Variants in TYRP1 observed in about 807,000 individuals in gnomAD.
TYRP1 encodes the protein 5,6-dihydroxyindole-2-carboxylic acid oxidase.
In TYRP1, 49 loss-of-function variants were observed where a neutral mutation model predicts 42.8. The observed-to-expected ratio is 1.14, with a 90% confidence interval of 0.91 to 1.45. The LOEUF is 1.45. Among genes scored for constraint, TYRP1 ranks in the 40% most tolerant of loss-of-function variants. TYRP1 has a pLI of 0.00. For synonymous variants in TYRP1, 279 were observed against 235.4 expected, an observed-to-expected ratio of 1.19 and a Z score of -1.69; for missense variants, 848 against 662.0, an observed-to-expected ratio of 1.28 and a Z score of -3.08.
rs372466491 is a variant in TYRP1, at chr9:12,695,818, G to A, written c.689G>A (p.Arg230His). Residue 230 changes from arginine (R) to histidine (H), a missense_variant, in exon 3 of 8, where the codon CGT becomes CAT. Coordinates refer to ENST00000388918, the MANE Select transcript of TYRP1 (RefSeq NM_000550.3). ...FLTWHRYHLLRLEKDMQEMLQ... is the reference protein window; with the variant it reads ...FLTWHRYHLLHLEKDMQEMLQ... The stretch of plus-strand genomic sequence containing the variant: ...ACATGGCACAGGTACCACCTCCTGC[G>A]TCTGGAGAAAGACATGCAGGTATGT... 9.0e-5 allele frequency: 146 copies of A among 1,613,920 alleles called. 1 individual carries two copies. Among genetic ancestry groups the A allele is most frequent in the African/African-American group, 1.7e-4 (13 of 74,906 alleles).
At chr9:12,708,846 G>T in intron 7 of TYRP1, 131 bp from the exon 8 acceptor site, 1 of 845,258 alleles carries the variant, frequency 1.2e-6, no homozygotes. Flanking sequence ...TGGCTTCAAG[G>T]CCATGTGGCC....
In TYRP1 at chr9:12,709,138, G is replaced by GAAGA. The variant is rs754152993; in HGVS notation, c.1572_1575dup (p.Tyr526ArgfsTer3). 33 of 1,612,546 alleles carry GAAGA rather than the reference G, an allele frequency of 2.0e-5. No homozygotes were observed. The highest frequency in any genetic ancestry group is 2.4e-5 in the Non-Finnish European group (28 of 1,179,030). ...CACTGATCAGTATCAATGCTATGCT[G>GAAGA]AAGAATATGAAAAACTCCAGAATCC... On this transcript the variant is annotated frameshift_variant, in exon 8 of 8. Coordinates refer to ENST00000388918, the MANE Select transcript of TYRP1 (RefSeq NM_000550.3). LOFTEE classifies it high-confidence loss of function.
chr9:12,704,803 C>T (rs1475635124), intron 6 of TYRP1, 98 bp downstream of exon 6: 2 of 1,215,090 alleles, frequency 1.6e-6, no homozygotes, highest in Non-Finnish European at 1.2e-6. Flanking sequence ...CATAAAAACA[C>T]TTTCAAAATA....
Position 12,707,993 on chromosome 9 carries a change from T to TTAGA in TYRP1, c.1262-1_1264dup, listed in dbSNP as rs1265919827. ...ATTAATACGTTGTCTTTGGAATAAT[T>TTAGA]TAGATATATCCACATTTCCATTGGA... On this transcript the variant is annotated splice_polypyrimidine_tract_variant and splice_region_variant and intron_variant, in intron 6 of 7. Coordinates refer to ENST00000388918, the MANE Select transcript of TYRP1 (RefSeq NM_000550.3). 1.9e-6 allele frequency: 3 copies of TTAGA among 1,609,428 alleles called. No individual in the cohort carries two copies. Among genetic ancestry groups the TTAGA allele is most frequent in the East Asian group, 2.2e-5 (1 of 44,690 alleles).
At chr9:12,704,792 G>A (rs904226481) in intron 6 of TYRP1, 87 bp downstream of exon 6, 37 of 1,305,602 alleles carry the variant, frequency 2.8e-5, no homozygotes, top group African/African-American at 2.4e-4. Context: ...AGCACTCAGC[G>A]CATAAAAACA....
intron 7 of TYRP1, among the ~76,000 whole-genome samples, chr9:12,708,688 T>C (rs1818302200): frequency 6.6e-6 from 1 of 151,958 alleles, no homozygotes; most frequent in South Asian, 2.1e-4. Context: ...ATATCCGGGC[T>C]CCAAAGCCAA....
chr9:12,698,453 A>G lies in TYRP1; in HGVS notation c.711A>G (p.Glu237=). The G allele has an allele frequency of 6.2e-6, 10 of 1,613,456 alleles. No individual in the cohort carries two copies. The highest frequency in any genetic ancestry group is 8.5e-6 in the Non-Finnish European group (10 of 1,179,524). ...TTAATGTGGTTTCTGTGATCTAGGAAATGTTGCAAGAGCCTTCTTTCTCCC... is the reference window on the plus strand; with the variant it reads ...TTAATGTGGTTTCTGTGATCTAGGAGATGTTGCAAGAGCCTTCTTTCTCCC... ...HLLRLEKDMQ[E]MLQEPSFSLP... The change falls in exon 4 of 8, where the codon GAA becomes GAG. Residue 237 remains glutamate (E), a splice_region_variant and synonymous_variant. Coordinates refer to ENST00000388918, the MANE Select transcript of TYRP1 (RefSeq NM_000550.3).
At chr9:12,700,532 A>C (rs2118241231) in intron 4 of TYRP1, 1 of 152,078 alleles carries the variant, frequency 6.6e-6, no homozygotes, top group Non-Finnish European at 1.5e-5. Context: ...GCAACTTTCC[A>C]TTTATTTTTA....
At position 12,703,900 on chromosome 9, in the gene TYRP1, T is replaced by C. The variant is rs184456402; in HGVS notation, c.1082-626T>C. On this transcript the variant is annotated intron_variant, in intron 5 of 7. Coordinates refer to ENST00000388918, the MANE Select transcript of TYRP1 (RefSeq NM_000550.3). ...ATATATATATGTGTGTGTGTGTGTG[T>C]GTGTGTGTGTATATATGTGTGTGTA... is the stretch of plus-strand genomic sequence containing the variant. Among the ~76,000 whole-genome samples the C allele has an allele frequency of 2.3e-3, 341 of 149,948 alleles. 3 individuals carry two copies. Among genetic ancestry groups the C allele is most frequent in the African/African-American group, 7.8e-3 (313 of 40,046 alleles).
chr9:12,697,495 T>G (rs1052045687), intron 3 of TYRP1, among the ~76,000 whole-genome samples: 3 of 152,082 alleles, frequency 2.0e-5, no homozygotes, highest in African/African-American at 7.2e-5. Context: ...GGAAAGCTTT[T>G]GGCTCTCTAA....
Position 12,698,470 on chromosome 9 carries a change from C to A in TYRP1, c.728C>A (p.Ser243Tyr). 6.2e-7 allele frequency: 1 copy of A among 1,613,678 alleles called. No individual in the cohort carries two copies. Among genetic ancestry groups the A allele is most frequent in the Non-Finnish European group, 8.5e-7 (1 of 1,179,722 alleles). ...ATCTAGGAAATGTTGCAAGAGCCTT[C>A]TTTCTCCCTTCCTTACTGGAATTTT... ...KDMQEMLQEP[S>Y]FSLPYWNFAT... Residue 243 changes from serine to tyrosine, a missense_variant, in exon 4 of 8, where the codon TCT (serine) becomes TAT (tyrosine). Transcript: ENST00000388918.
chr9:12,699,571 A>AAATC (rs1395559740), intron 4 of TYRP1, among the ~76,000 whole-genome samples: 2 of 152,144 alleles, frequency 1.3e-5, no homozygotes, highest in African/African-American at 4.8e-5. Context: ...TACTCTAAAT[A>AAATC]AATCAGCAGG....
chr9:12,709,323 A>G lies in TYRP1; in HGVS notation c.*141A>G. On this transcript the variant is annotated 3_prime_UTR_variant, in exon 8 of 8. Coordinates refer to ENST00000388918, the MANE Select transcript of TYRP1 (RefSeq NM_000550.3). ...ATGTTAGCATTAAAGTTCTAGGCAT[A>G]CTTTTCAAAGCTGGGAAGACCCTTT... The G allele has an allele frequency of 1.1e-6, 1 of 882,774 alleles. No individual in the cohort carries two copies. Among genetic ancestry groups the G allele is most frequent in the East Asian group, 2.6e-5 (1 of 38,146 alleles). 54.7% of individuals were successfully genotyped at this position (882,774 alleles called of 1,614,324 possible). A position where few individuals can be genotyped will look rare whatever the true frequency, so the allele number is the denominator to read the frequency against.
chr9:12,707,403 T>TTGAC (rs1818275789), intron 6 of TYRP1, among the ~76,000 whole-genome samples: 1 of 151,978 alleles, frequency 6.6e-6, no homozygotes, highest in Non-Finnish European at 1.5e-5. Flanking sequence ...GTTGATAAAA[T>TTGAC]TGACAATAAC....
intron 4 of TYRP1, chr9:12,700,548 A>G (rs1294408309): frequency 1.3e-5 from 2 of 152,078 alleles, no homozygotes; most frequent in East Asian, 3.9e-4. Flanking sequence ...TTTTATGTGG[A>G]AATTCCACAG....
chr9:12,694,257 G>C lies in TYRP1; in HGVS notation c.261G>C (p.Arg87=). 7 of 1,613,850 alleles carry C rather than the reference G, an allele frequency of 4.3e-6. No homozygotes were observed. The highest frequency in any genetic ancestry group is 5.1e-6 in the Non-Finnish European group (6 of 1,179,948). ...PQYPHDGRDD[R]EVWPLRFFNR... Reference sequence around the variant, plus strand: ...ATCCCCATGATGGCAGAGATGATCGGGAGGTCTGGCCCTTGCGCTTCTTCA... The same window carrying C: ...ATCCCCATGATGGCAGAGATGATCGCGAGGTCTGGCCCTTGCGCTTCTTCA... The change falls in exon 2 of 8, where the codon CGG becomes CGC. Residue 87 remains arginine (R), a synonymous_variant. Coordinates refer to ENST00000388918, the MANE Select transcript of TYRP1 (RefSeq NM_000550.3).
chr9:12,694,114 A>G lies in TYRP1; in HGVS notation c.118A>G (p.Met40Val), dbSNP rs748230782. 3.7e-6 allele frequency: 6 copies of G among 1,613,868 alleles called. No homozygotes were observed. Among genetic ancestry groups the G allele is most frequent in the South Asian group, 2.2e-5 (2 of 91,078 alleles). ...CATVEALRSG[M>V]CCPDLSPVSG... is the part of the protein sequence containing the mutation. ...CACTGTTGAGGCTTTGAGAAGTGGT[A>G]TGTGTTGCCCAGACCTGTCCCCTGT... The change falls in exon 2 of 8, where the codon ATG becomes GTG. Residue 40 changes from methionine to valine, a missense_variant. Physicochemically the swap from Met to Val is conservative, Grantham distance 21. Transcript: ENST00000388918.
At chr9:12,699,549 TTAAA>T (rs1586843064) in intron 4 of TYRP1, among the ~76,000 whole-genome samples, 1 of 152,098 alleles carries the variant, frequency 6.6e-6, no homozygotes, top group African/African-American at 2.4e-5. Context: ...TTTTATGAAC[TTAAA>T]TAAGAAATAC....
chr9:12,698,770 T>C lies in TYRP1; in HGVS notation c.913+115T>C, dbSNP rs932796087. ...GAATTCAGACTAAAATCTACTTTTA[T>C]TATAGAGTAACAGTGTACCAGGCAT... On this transcript the variant is annotated intron_variant, in intron 4 of 7. Coordinates refer to ENST00000388918, the MANE Select transcript of TYRP1 (RefSeq NM_000550.3). 4.0e-6 allele frequency: 4 copies of C among 1,003,170 alleles called. No homozygotes were observed. In the Admixed American group the frequency reaches 6.1e-5, roughly 15 times the overall value. 62.1% of individuals were successfully genotyped at this position (1,003,170 alleles called of 1,614,324 possible).
Sources: gnomAD v4.1 joint callset for allele counts (sites outside exome capture counted in the v4.1 genomes callset) on GRCh38, gnomAD v4.1.1 for gene constraint, MANE v1.5 for transcripts, NCBI Gene and HGNC (gene_info 2026-07-23, HGNC 2026-07-21) for gene names.